Variants in WAPL observed in about 807,000 individuals in gnomAD.
The protein encoded by WAPL is WAPL cohesin release factor.
In WAPL, 5 loss-of-function variants were observed where a neutral mutation model predicts 121.0. That is an observed-to-expected ratio of 0.04 (90% CI 0.02 to 0.09). The LOEUF (loss-of-function observed/expected upper bound fraction) is 0.09. Ranked by LOEUF, WAPL falls within the 10% of genes least tolerant of loss-of-function variation. WAPL has a pLI of 1.00. For missense variants in WAPL, 999 were observed against 1,410.8 expected, an observed-to-expected ratio of 0.71 and a Z score of 4.68; for synonymous variants, 480 against 481.5, an observed-to-expected ratio of 1.00 and a Z score of 0.04.
At chr10:86,439,621 C>A (rs1422576624) in intron 17 of WAPL, among the ~76,000 whole-genome samples, 2 of 152,090 alleles carry the variant, frequency 1.3e-5, no homozygotes, top group Non-Finnish European at 2.9e-5. Flanking sequence ...TAAAAGTGTC[C>A]AGTAGGTTTG....
chr10:86,447,931 C>T (rs576020318), intron 15 of WAPL, among the ~76,000 whole-genome samples: 1 of 152,120 alleles, frequency 6.6e-6, no homozygotes, highest in South Asian at 2.1e-4. Context: ...GCTTGTAATC[C>T]CAGCTACTTG....
intron 8 of WAPL, among the ~76,000 whole-genome samples, chr10:86,468,434 A>G (rs1210302824): frequency 6.6e-6 from 1 of 150,916 alleles, no homozygotes; most frequent in East Asian, 2.0e-4. Context: ...CTGAGGCCAA[A>G]TGATCCACCC....
intron 4 of WAPL, among the ~76,000 whole-genome samples, chr10:86,496,153 A>T (rs1377131860): frequency 6.6e-6 from 1 of 152,198 alleles, no homozygotes; most frequent in Non-Finnish European, 1.5e-5. Flanking sequence ...GGACTTAGAC[A>T]TTTCTTCAAA....
At chr10:86,459,670 T>C (rs569214625) in intron 11 of WAPL, among the ~76,000 whole-genome samples, 114 of 152,316 alleles carry the variant, frequency 7.5e-4, no homozygotes, top group South Asian at 3.7e-3. Context: ...CCAAATATTA[T>C]GACAGGCCAT....
In WAPL at chr10:86,437,474, A is replaced by G; in HGVS notation, c.*69T>C. The G allele has an allele frequency of 6.5e-7, 1 of 1,527,988 alleles. No individual in the cohort carries two copies. The highest frequency in any genetic ancestry group is 8.9e-7 in the Non-Finnish European group (1 of 1,119,692). 94.7% of individuals were successfully genotyped at this position (1,527,988 alleles called of 1,614,324 possible). A position where few individuals can be genotyped will look rare whatever the true frequency, so the allele number is the denominator to read the frequency against. On this transcript the variant is annotated 3_prime_UTR_variant, in exon 19 of 19. Transcript: ENST00000298767. ...TGGTATATCTTCAAGGACTTCTTTC[A>G]TGACTTGACTTTTCTTTGTCTAAGG...
chr10:86,437,899 G>A (rs764853042), intron 18 of WAPL, 21 bp downstream of exon 18: 5 of 1,521,806 alleles, frequency 3.3e-6, no homozygotes, highest in South Asian at 1.1e-5. Flanking sequence ...AATCATATAA[G>A]CTGTAATAAA....
intron 4 of WAPL, among the ~76,000 whole-genome samples, chr10:86,483,366 G>A (rs1841839209): frequency 6.6e-6 from 1 of 151,630 alleles, no homozygotes; most frequent in South Asian, 2.1e-4. Context: ...GTTGCGGTAA[G>A]CTGAGATCCC....
intron 17 of WAPL, among the ~76,000 whole-genome samples, chr10:86,440,794 G>C (rs1849449949): frequency 6.7e-6 from 1 of 148,998 alleles, no homozygotes; most frequent in African/African-American, 2.5e-5. Context: ...AGAGTGGGCT[G>C]TTGTATTTAG....
intron 4 of WAPL, among the ~76,000 whole-genome samples, chr10:86,488,250 CAT>C (rs1235824693): frequency 3.9e-5 from 6 of 152,172 alleles, no homozygotes; most frequent in African/African-American, 1.2e-4. Context: ...CATATTTTTA[CAT>C]GTTTCCTAGC....
rs766546491 is a variant in WAPL, at chr10:86,460,204, G to C, written c.2580+195C>G. 3.3e-5 allele frequency among the ~76,000 whole-genome samples: 5 copies of C among 152,134 alleles called. No individual in the cohort carries two copies. In the South Asian group the frequency reaches 8.3e-4, roughly 25 times the overall value. On this transcript the variant is annotated intron_variant, in intron 11 of 18. Coordinates refer to ENST00000298767, the MANE Select transcript of WAPL (RefSeq NM_015045.5). Reference sequence around the variant, plus strand: ...CATTTCATTTGCAGCAATAATACATGTACTCTTAAAATATAAAACTACTCA... The same window carrying C: ...CATTTCATTTGCAGCAATAATACATCTACTCTTAAAATATAAAACTACTCA...
At position 86,500,605 on chromosome 10, in the gene WAPL, G is replaced by T. The variant is rs267602601; in HGVS notation, c.638C>A (p.Ser213Tyr). 6.2e-7 allele frequency: 1 copy of T among 1,614,166 alleles called. No individual in the cohort carries two copies. The highest frequency in any genetic ancestry group is 1.7e-5 in the Admixed American group (1 of 60,020). ...TGATTCTGGCCTTTTCCCAAACTGG[G>T]AGTTCCAAGTATCATTTGTTTCCTT... ...EIKETNDTWN[S>Y]QFGKRPESPS... Residue 213 changes from serine (S) to tyrosine (Y), a missense_variant, in exon 3 of 19, where the codon TCC becomes TAC. Coordinates refer to ENST00000298767, the MANE Select transcript of WAPL (RefSeq NM_015045.5).
chr10:86,478,546 T>C (rs921929009), intron 4 of WAPL, among the ~76,000 whole-genome samples: 2 of 152,206 alleles, frequency 1.3e-5, no homozygotes, highest in Non-Finnish European at 2.9e-5. Context: ...CAGAACCATT[T>C]TAGCATATTT....
intron 18 of WAPL, 90 bp from the exon 19 acceptor site, chr10:86,437,698 A>G: frequency 7.3e-7 from 1 of 1,362,718 alleles, no homozygotes; most frequent in Non-Finnish European, 1.0e-6. Context: ...TAGATTTACT[A>G]AACTGAACAC....
chr10:86,455,053 T>A (rs1841104551), intron 12 of WAPL, among the ~76,000 whole-genome samples: 1 of 142,380 alleles, frequency 7.0e-6, no homozygotes, highest in Non-Finnish European at 1.5e-5. Flanking sequence ...AGCCGCCCCG[T>A]CCGGGAGGGA....
At chr10:86,446,557 TG>T in intron 15 of WAPL, 108 bp from the exon 16 acceptor site, 2 of 1,216,370 alleles carry the variant, frequency 1.6e-6, no homozygotes, top group Non-Finnish European at 2.3e-6. Flanking sequence ...AACTCTAAGA[TG>T]GTTATGTGAT....
intron 11 of WAPL, among the ~76,000 whole-genome samples, 190 bp downstream of exon 11, chr10:86,460,209 C>CTT (rs1841238028): frequency 5.3e-5 from 8 of 152,172 alleles, no homozygotes; most frequent in Non-Finnish European, 1.2e-4. Context: ...TACATGTACT[C>CTT]TTAAAATATA....
chr10:86,498,259 T>C (rs913149318), intron 3 of WAPL, among the ~76,000 whole-genome samples: 6 of 152,262 alleles, frequency 3.9e-5, no homozygotes, highest in African/African-American at 1.4e-4. Context: ...TGGTATTGTA[T>C]AGCAGTATTT....
chr10:86,505,300 C>CT (rs531404303), intron 2 of WAPL, among the ~76,000 whole-genome samples: 7,447 of 44,668 alleles, frequency 0.17, 963 homozygotes, highest in African/African-American at 0.26. Context: ...GTGCCCAACT[C>CT]TTTTTTTTTT....
rs934994772 is a variant in WAPL, at chr10:86,468,153, ATGTG to A, written c.2143-651_2143-648del. On this transcript the variant is annotated intron_variant, in intron 8 of 18. Transcript: ENST00000298767. ...GAGTTTATAAAACATTTTTGCAGAT[ATGTG>A]TGTGTGAGTATATATATATAAAAAC... Among the ~76,000 whole-genome samples the A allele has an allele frequency of 1.1e-3, 163 of 152,206 alleles. 1 individual carries two copies. The highest frequency in any genetic ancestry group is 3.8e-3 in the African/African-American group (158 of 41,520).
Sources: allele counts gnomAD v4.1 joint callset (sites outside exome capture counted in the v4.1 genomes callset), GRCh38; gene constraint gnomAD v4.1.1; transcripts MANE v1.5; gene names NCBI Gene and HGNC (gene_info 2026-07-23, HGNC 2026-07-21).